The following AKR1E2 variants were observed in gnomAD, a reference collection of about 807,000 sequenced individuals.
AKR1E2 encodes the protein aldo-keto reductase family 1 member E2, also known as 1,5-anhydro-D-fructose reductase.
In AKR1E2, 43 loss-of-function variants were observed where a neutral mutation model predicts 41.9. That is an observed-to-expected ratio of 1.03 (90% CI 0.80 to 1.32). The LOEUF (loss-of-function observed/expected upper bound fraction) is 1.32. Among genes scored for constraint, AKR1E2 ranks in the 40% most tolerant of loss-of-function variants. AKR1E2 has a pLI of 0.00. For missense variants in AKR1E2, 423 were observed against 396.5 expected, an observed-to-expected ratio of 1.07 and a Z score of -0.57; for synonymous variants, 121 against 138.9, an observed-to-expected ratio of 0.87 and a Z score of 0.91.
At chr10:4,850,248 G>A (rs996112016), downstream of AKR1E2, among the ~76,000 whole-genome samples, 1 of 152,182 alleles carries the variant, frequency 6.6e-6, no homozygotes, top group African/African-American at 2.4e-5. Context: ...GACCCTCTGC[G>A]TCAAATGATT....
Position 4,835,771 on chromosome 10 carries a change from G to T in AKR1E2, c.421G>T (p.Val141Phe), listed in dbSNP as rs752529504. 6 of 1,614,022 alleles carry T rather than the reference G, an allele frequency of 3.7e-6. No individual in the cohort carries two copies. Among genetic ancestry groups the T allele is most frequent in the Non-Finnish European group, 5.1e-6 (6 of 1,180,040 alleles). ...QDLPLDESNM[V>F]IPSDTDFLDT... ...CTTGCCTCTGGACGAGAGCAACATG[G>T]TTATTCCCAGTGACACGGACTTCCT... Residue 141 changes from valine (V) to phenylalanine (F), a missense_variant, in exon 4 of 10, where the codon GTT (valine) becomes TTT (phenylalanine). Val to Phe is a conservative substitution (Grantham distance 50). Transcript: ENST00000298375.
chr10:4,832,200 C>T (rs751027162), intron 2 of AKR1E2, among the ~76,000 whole-genome samples: 7 of 152,220 alleles, frequency 4.6e-5, no homozygotes, highest in Non-Finnish European at 1.0e-4. Flanking sequence ...TTAGATGGCT[C>T]AGGCTCACAG....
At chr10:4,836,847 C>A (rs1352921969) in intron 4 of AKR1E2, among the ~76,000 whole-genome samples, 1 of 152,216 alleles carries the variant, frequency 6.6e-6, no homozygotes, top group African/African-American at 2.4e-5. Flanking sequence ...ATTGGTCACT[C>A]AGGACTTGCT....
At chr10:4,855,644 C>T in the AKR1E2 span, among the ~76,000 whole-genome samples, 127 of 152,146 alleles carry the variant, frequency 8.3e-4, 2 homozygotes, top group South Asian at 0.023. Context: ...TGTTTACATA[C>T]GAAAGAGCTT....
rs369440210 is a variant in AKR1E2, at chr10:4,845,328, C to T, written c.838-1820C>T. 3.8e-4 allele frequency among the ~76,000 whole-genome samples: 58 copies of T among 152,318 alleles called. No homozygotes were observed. In the East Asian group the frequency reaches 6.0e-3, roughly 16 times the overall value. On this transcript the variant is annotated intron_variant, in intron 8 of 9. Transcript: ENST00000298375. Reference sequence around the variant, plus strand: ...ACACCTCCCCGCAAGCTGAGGGAGCCGACTCCGGCCTCGGCCAGCCCAGGA... The same window carrying T: ...ACACCTCCCCGCAAGCTGAGGGAGCTGACTCCGGCCTCGGCCAGCCCAGGA...
chr10:4,867,656 C>G, the AKR1E2 span, among the ~76,000 whole-genome samples: 1 of 152,184 alleles, frequency 6.6e-6, no homozygotes, highest in Non-Finnish European at 1.5e-5. Context: ...GATTGCATGG[C>G]AAAGATAACG....
At chr10:4,833,242 T>G (rs905457539) in intron 2 of AKR1E2, 108 bp from the exon 3 acceptor site, 2 of 814,120 alleles carry the variant, frequency 2.5e-6, no homozygotes. Flanking sequence ...TGTGGTCATC[T>G]CATCTTGGCT....
At chr10:4,836,354 C>T (rs866368712) in intron 4 of AKR1E2, among the ~76,000 whole-genome samples, 4 of 152,064 alleles carry the variant, frequency 2.6e-5, no homozygotes, top group African/African-American at 7.2e-5. Context: ...GCAGTAAAGA[C>T]TTGAGCAGGA....
chr10:4,870,935 T>C, the AKR1E2 span, among the ~76,000 whole-genome samples: 1 of 152,156 alleles, frequency 6.6e-6, no homozygotes. Flanking sequence ...GTTAAGTCTT[T>C]TGTTATAGTT....
chr10:4,859,104 G>A, the AKR1E2 span, among the ~76,000 whole-genome samples: 1 of 152,096 alleles, frequency 6.6e-6, no homozygotes, highest in Admixed American at 6.5e-5. Flanking sequence ...TTACAGATGT[G>A]AGCCACTGCA....
the AKR1E2 span, among the ~76,000 whole-genome samples, chr10:4,872,717 C>G: frequency 2.0e-5 from 3 of 152,044 alleles, no homozygotes; most frequent in East Asian, 5.8e-4. Flanking sequence ...AAACAAAAAC[C>G]CTGCCCTTAG....
the AKR1E2 span, among the ~76,000 whole-genome samples, chr10:4,856,207 G>T: frequency 3.3e-5 from 5 of 152,316 alleles, no homozygotes; most frequent in South Asian, 2.1e-4. Flanking sequence ...CTGCTAAAGG[G>T]TTAAATAATT....
chr10:4,835,539 G>C, intron 3 of AKR1E2, 136 bp from the exon 4 acceptor site: 2 of 1,115,208 alleles, frequency 1.8e-6, no homozygotes, highest in East Asian at 5.4e-5. Flanking sequence ...GAAAGGTGAA[G>C]ACTGGGCCTG....
rs145286792 is a variant in AKR1E2, at chr10:4,841,839, C to T, written c.735C>T (p.His245=). ...NPVIKRIAKE[H]GKSPAQILIR... ...TGATCAAGAGGATTGCAAAGGAGCACGGCAAGTCTCCTGCTCAGGTAGGGA... is the reference window on the plus strand; with the variant it reads ...TGATCAAGAGGATTGCAAAGGAGCATGGCAAGTCTCCTGCTCAGGTAGGGA... The change falls in exon 7 of 10, where the codon CAC becomes CAT. Residue 245 remains histidine, a synonymous_variant. Coordinates refer to ENST00000298375, the MANE Select transcript of AKR1E2 (RefSeq NM_001040177.3). 4.5e-5 allele frequency: 73 copies of T among 1,613,514 alleles called. No homozygotes were observed. Among genetic ancestry groups the T allele is most frequent in the South Asian group, 1.2e-4 (11 of 90,970 alleles).
rs1833587245 is a variant in AKR1E2 at position 4,838,180 on chromosome 10, A to G, written c.582+599A>G. ...CTCATAAACTGAGCATAGCTCTGGG[A>G]CTAGCATCCAGCTCAGTAAACAGCA... is the stretch of plus-strand genomic sequence containing the variant. On this transcript the variant is annotated intron_variant, in intron 5 of 9. Transcript: ENST00000298375. 2.0e-5 allele frequency among the ~76,000 whole-genome samples: 3 copies of G among 152,386 alleles called. No individual in the cohort carries two copies. The South Asian group carries it at 6.2e-4, about 32-fold the overall frequency.
Position 4,847,634 on chromosome 10 carries a change from A to G in AKR1E2, c.*104A>G. 2.3e-6 allele frequency: 3 copies of G among 1,329,334 alleles called. No homozygotes were observed. The highest frequency in any genetic ancestry group is 3.2e-6 in the Non-Finnish European group (3 of 939,262). The allele number at this position is 1,329,334 out of a possible 1,614,324, so 82.3% of individuals were successfully genotyped here. ...CAGCGCCAGGGCAGCTGTGCCTGGG[A>G]CAGGAGCCACACAGTCAGAGGGGGA... On this transcript the variant is annotated 3_prime_UTR_variant, in exon 10 of 10. Transcript: ENST00000298375.
chr10:4,844,306 T>C (rs1007776375), intron 8 of AKR1E2, among the ~76,000 whole-genome samples: 7 of 151,992 alleles, frequency 4.6e-5, no homozygotes, highest in African/African-American at 9.7e-5. Flanking sequence ...CGTGGTCTTA[T>C]TGGCTTCAGG....
At chr10:4,864,180 A>G in the AKR1E2 span, among the ~76,000 whole-genome samples, 1 of 152,152 alleles carries the variant, frequency 6.6e-6, no homozygotes, top group Non-Finnish European at 1.5e-5. Flanking sequence ...TTAGACCAAT[A>G]TCCCTGATGA....
At chr10:4,840,253 A>AT (rs1168341245) in intron 6 of AKR1E2, among the ~76,000 whole-genome samples, 1 of 152,176 alleles carries the variant, frequency 6.6e-6, no homozygotes, top group Non-Finnish European at 1.5e-5. Context: ...ACCTCCAGCC[A>AT]TTCAGCCACC....
Sources: gnomAD v4.1 joint callset for allele counts (sites outside exome capture counted in the v4.1 genomes callset) on GRCh38, gnomAD v4.1.1 for gene constraint, MANE v1.5 for transcripts, NCBI Gene and HGNC (gene_info 2026-07-23, HGNC 2026-07-21) for gene names.